LMTK2: variants seen among roughly 807,000 people sequenced by gnomAD.
LMTK2 encodes the protein serine/threonine-protein kinase LMTK2.
LMTK2 carries 37 observed loss-of-function variants against 127.5 expected under a neutral mutation model. That is an observed-to-expected ratio of 0.29 (90% confidence interval 0.22 to 0.38). LMTK2 has a LOEUF of 0.38. Ranked by LOEUF, LMTK2 falls within the 10% of genes least tolerant of loss-of-function variation. The pLI is 1.00. For synonymous variants in LMTK2, 819 were observed against 810.1 expected, an observed-to-expected ratio of 1.01 and a Z score of -0.19; for missense variants, 1,694 against 1,920.3, an observed-to-expected ratio of 0.88 and a Z score of 2.20.
Position 98,171,790 on chromosome 7 carries a change from A to G in LMTK2, c.791+116A>G. 1 of 1,183,040 alleles carries G rather than the reference A, an allele frequency of 8.5e-7. No homozygotes were observed. The highest frequency in any genetic ancestry group is 1.6e-5 in the South Asian group (1 of 61,396). 73.3% of individuals were successfully genotyped at this position (1,183,040 alleles called of 1,614,324 possible). On this transcript the variant is annotated intron_variant, in intron 7 of 13. Coordinates refer to ENST00000297293, the MANE Select transcript of LMTK2 (RefSeq NM_014916.4). This position sits in a 1 kb window ranked among gnomAD's most constrained non-coding sequence, Gnocchi z 5.1. ...GGAGGTGGCAGAATGAACCCAGCTC[A>G]TGTAGGTAGAAGCGATCTCGTTCTT...
chr7:98,148,315 C>G (rs1389042085), intron 3 of LMTK2, among the ~76,000 whole-genome samples: 2 of 151,474 alleles, frequency 1.3e-5, no homozygotes, highest in East Asian at 2.0e-4. Flanking sequence ...CATGGAGAAA[C>G]CCTGTCTCCA....
At chr7:98,176,983 G>C (rs1473498332) in intron 7 of LMTK2, among the ~76,000 whole-genome samples, 4 of 152,032 alleles carry the variant, frequency 2.6e-5, no homozygotes, top group Non-Finnish European at 4.4e-5. Flanking sequence ...ACTTGTTCAG[G>C]GTCGTGCAAC....
intron 13 of LMTK2, 100 bp from the exon 14 acceptor site, chr7:98,205,364 C>CT: frequency 1.4e-6 from 2 of 1,443,278 alleles, no homozygotes; most frequent in Non-Finnish European, 1.9e-6. Context: ...AAAACACCCG[C>CT]TTCCGTTCCT....
chr7:98,194,184 A>C lies in LMTK2; in HGVS notation c.3719A>C (p.Asn1240Thr). The change falls in exon 11 of 14, where the codon AAT becomes ACT. Residue 1240 changes from asparagine (N) to threonine (T), a missense_variant. By Grantham distance (65) the Asn-to-Thr change is moderately conservative (BLOSUM62 0). Around this residue, in one of 8 missense-constraint regions of LMTK2, gnomAD observed 554 missense variants for 567.7 expected, o/e 0.98. Transcript: ENST00000297293. The surrounding 1 kb of genome is among the most constrained non-coding windows in gnomAD (Gnocchi z 5.4). ...ACGAACGAACTCCTTGCCTACACCA[A>C]TTCTGCGCTGGACAAGTCCCTGTCC... ...TNTNELLAYT[N>T]SALDKSLSSH... 1.2e-6 allele frequency: 2 copies of C among 1,613,904 alleles called. No individual in the cohort carries two copies. The highest frequency in any genetic ancestry group is 1.7e-6 in the Non-Finnish European group (2 of 1,179,968).
intron 5 of LMTK2, among the ~76,000 whole-genome samples, chr7:98,156,404 G>A (rs538443759): frequency 6.6e-6 from 1 of 151,872 alleles, no homozygotes; most frequent in East Asian, 1.9e-4. Flanking sequence ...GGTGGAGCTT[G>A]CAGTGAGCCG....
In LMTK2 at chr7:98,112,456, G is replaced by T. The variant is rs1796215285; in HGVS notation, c.103+5176G>T. Among the ~76,000 whole-genome samples the T allele has an allele frequency of 2.0e-5, 3 of 152,196 alleles. 1 individual carries two copies. The South Asian group carries it at 6.2e-4, about 32-fold the overall frequency. ...AGTACAATAGCCACTAGCTCCCTGT[G>T]GATGCTTAAATGTAAACGTTTTAGA... On this transcript the variant is annotated intron_variant, in intron 1 of 13. Transcript: ENST00000297293.
Position 98,154,857 on chromosome 7 carries a change from A to G in LMTK2, c.550A>G (p.Lys184Glu). The G allele has an allele frequency of 6.2e-7, 1 of 1,602,572 alleles. No individual in the cohort carries two copies. The highest frequency in any genetic ancestry group is 8.6e-7 in the Non-Finnish European group (1 of 1,169,496). Residue 184 changes from lysine (K) to glutamate (E), a missense_variant, in exon 5 of 14, where the codon AAA (lysine) becomes GAA (glutamate). By Grantham distance (56) the Lys-to-Glu change is moderately conservative. This residue lies in a region of LMTK2 where 203 missense variants were observed against 226.2 expected (regional missense o/e 0.90). Coordinates refer to ENST00000297293, the MANE Select transcript of LMTK2 (RefSeq NM_014916.4). Reference sequence around the variant, plus strand: ...CCCAAAGGAACAAGATACTTTTTTGAAAAATGGAGAACCTTACTAGTAAGT... The same window carrying G: ...CCCAAAGGAACAAGATACTTTTTTGGAAAATGGAGAACCTTACTAGTAAGT... Reference protein sequence around the residue: ...ANPKEQDTFLKNGEPYYILQH... With the variant: ...ANPKEQDTFLENGEPYYILQH...
chr7:98,109,743 CAAAAAAA>C (rs1156337163), intron 1 of LMTK2, among the ~76,000 whole-genome samples: 3 of 53,304 alleles, frequency 5.6e-5, no homozygotes, highest in Non-Finnish European at 8.1e-5. Flanking sequence ...GACTCCGTCT[CAAAAAAA>C]AAAAAAAAAA....
At chr7:98,140,418 C>G (rs1217890907) in intron 2 of LMTK2, among the ~76,000 whole-genome samples, 1 of 152,074 alleles carries the variant, frequency 6.6e-6, no homozygotes, top group Non-Finnish European at 1.5e-5. Flanking sequence ...TCCCAAAGTG[C>G]TGGGATTACA....
chr7:98,136,171 G>T (rs549574289), intron 1 of LMTK2, among the ~76,000 whole-genome samples: 2 of 152,182 alleles, frequency 1.3e-5, no homozygotes, highest in Admixed American at 6.5e-5. Context: ...GGCTGGAATC[G>T]TTGGAGCCAC....
intron 6 of LMTK2, among the ~76,000 whole-genome samples, chr7:98,166,729 G>A (rs1797107289): frequency 1.3e-5 from 2 of 152,340 alleles, no homozygotes; most frequent in African/African-American, 4.8e-5. Flanking sequence ...AGCCTAGGCT[G>A]TAGCAAGAAA....
rs537440756 is a variant in LMTK2 at position 98,152,155 on chromosome 7, A to G, written c.450+700A>G. 4.6e-4 allele frequency among the ~76,000 whole-genome samples: 70 copies of G among 152,304 alleles called. 1 individual carries two copies. Among genetic ancestry groups the G allele is most frequent in the African/African-American group, 1.6e-3 (66 of 41,566 alleles). ...TTTAGAACTGTAAATACAGTCTTAC[A>G]ATGAAGACCACCATGAACAACTAGT... On this transcript the variant is annotated intron_variant, in intron 4 of 13. Transcript: ENST00000297293.
chr7:98,185,835 T>G (rs1038950518), intron 8 of LMTK2, among the ~76,000 whole-genome samples: 2 of 152,010 alleles, frequency 1.3e-5, no homozygotes, highest in Non-Finnish European at 2.9e-5. Context: ...GTACTAGGAT[T>G]ACAGGTGTGA....
rs116415517 is a variant in LMTK2 at position 98,142,637 on chromosome 7, A to G, written c.376+1096A>G. On this transcript the variant is annotated intron_variant, in intron 3 of 13. Transcript: ENST00000297293. Reference sequence around the variant, plus strand: ...GACTTCTCAGAGCTTTTACAGGCCCATAGTCGATCCCCGGTGGATTCATTT... The same window carrying G: ...GACTTCTCAGAGCTTTTACAGGCCCGTAGTCGATCCCCGGTGGATTCATTT... Among the ~76,000 whole-genome samples, 320 of 152,322 alleles carry G rather than the reference A, an allele frequency of 2.1e-3. 3 individuals are homozygous for G. Among genetic ancestry groups the G allele is most frequent in the African/African-American group, 7.4e-3 (307 of 41,554 alleles).
Position 98,107,189 on chromosome 7 carries a change from G to A in LMTK2, c.12G>A (p.Pro4=). The A allele has an allele frequency of 1.4e-6, 2 of 1,450,682 alleles. No individual in the cohort carries two copies. Among genetic ancestry groups the A allele is most frequent in the Non-Finnish European group, 1.8e-6 (2 of 1,109,766 alleles). The allele number at this position is 1,450,682 out of a possible 1,614,324, so 89.9% of individuals were successfully genotyped here. A position where few individuals can be genotyped will look rare whatever the true frequency, so the allele number is the denominator to read the frequency against. Residue 4 remains proline, a synonymous_variant, in exon 1 of 14, where the codon CCG becomes CCA. Coordinates refer to ENST00000297293, the MANE Select transcript of LMTK2 (RefSeq NM_014916.4). MPG[P]PALRRRLLLL... is the part of the protein sequence containing the mutation. Reference sequence around the variant, plus strand: ...GCGCCGTGGGCGAGATGCCGGGGCCGCCGGCGTTGCGGCGGAGGCTGCTGC... The same window carrying A: ...GCGCCGTGGGCGAGATGCCGGGGCCACCGGCGTTGCGGCGGAGGCTGCTGC...
chr7:98,122,294 T>C lies in LMTK2; in HGVS notation c.103+15014T>C, dbSNP rs552914443. On this transcript the variant is annotated intron_variant, in intron 1 of 13. Coordinates refer to ENST00000297293, the MANE Select transcript of LMTK2 (RefSeq NM_014916.4). ...AATTGCATGTCGTGGGGATTTGGTG[T>C]ATAGATAATTTTGTCACCCAGGCAA... is the stretch of plus-strand genomic sequence containing the variant. 3.3e-5 allele frequency among the ~76,000 whole-genome samples: 5 copies of C among 152,048 alleles called. No individual in the cohort carries two copies. In the South Asian group the frequency reaches 1.0e-3, roughly 32 times the overall value.
intron 4 of LMTK2, among the ~76,000 whole-genome samples, chr7:98,152,577 C>T (rs1324919006): frequency 6.6e-6 from 1 of 152,090 alleles, no homozygotes; most frequent in Non-Finnish European, 1.5e-5. Context: ...CAAACAAAAC[C>T]CTGTCTTCAC....
chr7:98,144,853 CG>C (rs1373188741), intron 3 of LMTK2, among the ~76,000 whole-genome samples: 1 of 151,256 alleles, frequency 6.6e-6, no homozygotes, highest in African/African-American at 2.4e-5. Context: ...ATCATTAAAG[CG>C]TATGTATTCT....
chr7:98,113,959 C>G (rs1383926320), intron 1 of LMTK2, among the ~76,000 whole-genome samples: 1 of 150,184 alleles, frequency 6.7e-6, no homozygotes, highest in Admixed American at 6.6e-5. Flanking sequence ...CAAAAGTTAG[C>G]TCAGTGCAGT....
Sources: gnomAD v4.1 joint callset for allele counts (sites outside exome capture counted in the v4.1 genomes callset) on GRCh38, gnomAD v4.1.1 for gene constraint, gnomAD v4.1.1 regional missense constraint, Gnocchi (gnomAD v3.1) non-coding constraint, MANE v1.5 for transcripts, NCBI Gene and HGNC (gene_info 2026-07-23, HGNC 2026-07-21) for gene names.